The following MRTFB variants were observed in gnomAD, a reference collection of about 807,000 sequenced individuals.
MRTFB encodes the protein myocardin related transcription factor B, also known as myocardin-related transcription factor B.
Under a neutral mutation model 104.2 loss-of-function variants are expected in MRTFB, and 29 were observed. The observed-to-expected ratio is 0.28, with a 90% CI of 0.21 to 0.38. The LOEUF is 0.38. MRTFB is among the 10% of genes least tolerant of loss of function. The pLI is 1.00. For missense variants in MRTFB, 1,270 were observed against 1,341.6 expected, an observed-to-expected ratio of 0.95 and a Z score of 0.83; for synonymous variants, 535 against 519.5, an observed-to-expected ratio of 1.03 and a Z score of -0.41.
chr16:14,156,856 T>G (rs2038848492), intron 3 of MRTFB, among the ~76,000 whole-genome samples: 1 of 152,130 alleles, frequency 6.6e-6, no homozygotes, highest in South Asian at 2.1e-4. Context: ...AATGGGAACT[T>G]TCTTGTCAGG....
the MRTFB span, among the ~76,000 whole-genome samples, chr16:14,063,774 A>G: frequency 2.0e-5 from 3 of 152,144 alleles, no homozygotes; most frequent in Non-Finnish European, 4.4e-5. Context: ...GCCTATCTGT[A>G]TTGAGATGTC....
At position 14,261,139 on chromosome 16, in the gene MRTFB, C is replaced by T; in HGVS notation, c.2995C>T (p.Leu999=). The T allele has an allele frequency of 6.2e-7, 1 of 1,614,238 alleles. No individual in the cohort carries two copies. Among genetic ancestry groups the T allele is most frequent in the South Asian group, 1.1e-5 (1 of 91,084 alleles). The change falls in exon 17 of 17, where the codon CTA becomes TTA. Residue 999 remains leucine, a synonymous_variant. Transcript: ENST00000571589. ...TLPSANEIPP[L]QSSSEDREPF... ...ACCCTCAGCCAATGAAATTCCTCCA[C>T]TACAAAGCAGCAGTGAAGACAGAGA...
chr16:14,096,865 T>C (rs1443794465), intron 2 of MRTFB, among the ~76,000 whole-genome samples: 1 of 152,262 alleles, frequency 6.6e-6, no homozygotes, highest in African/African-American at 2.4e-5. Context: ...GAAGGACCTC[T>C]TGGAGCTGTC....
the MRTFB span, among the ~76,000 whole-genome samples, chr16:14,059,195 A>C: frequency 6.6e-6 from 1 of 152,238 alleles, no homozygotes; most frequent in South Asian, 2.1e-4. Context: ...CATATCTAGC[A>C]CTTCAAACAT....
the MRTFB span, among the ~76,000 whole-genome samples, chr16:14,037,144 C>T: frequency 6.6e-6 from 1 of 152,166 alleles, no homozygotes; most frequent in African/African-American, 2.4e-5. Context: ...CTTGGATTTG[C>T]ATCCCAGCTC....
At chr16:14,136,572 T>C (rs1032709630) in intron 2 of MRTFB, among the ~76,000 whole-genome samples, 1 of 152,098 alleles carries the variant, frequency 6.6e-6, no homozygotes, top group Non-Finnish European at 1.5e-5. Flanking sequence ...ATTATTATCA[T>C]ATTGTGAGGA....
chr16:14,212,481 A>G lies in MRTFB; in HGVS notation c.276+72A>G, dbSNP rs1216613375. ...CTCTCTTCTAAAATACCTGTGTACA[A>G]GTAGCAGTGTTACTCCTAAATATGT... On this transcript the variant is annotated intron_variant, in intron 5 of 16. Transcript: ENST00000571589. 4.6e-5 allele frequency: 64 copies of G among 1,387,204 alleles called. 1 individual carries two copies. The highest frequency in any genetic ancestry group is 3.1e-6 in the Non-Finnish European group (3 of 977,218). 85.9% of individuals were successfully genotyped at this position (1,387,204 alleles called of 1,614,324 possible). A position where few individuals can be genotyped will look rare whatever the true frequency, so the allele number is the denominator to read the frequency against.
chr16:14,160,860 C>G (rs1162617058), intron 3 of MRTFB, among the ~76,000 whole-genome samples: 17 of 151,860 alleles, frequency 1.1e-4, no homozygotes, highest in Admixed American at 1.1e-3. Context: ...TTTGGCCCAT[C>G]CCCCTTAATT....
At chr16:14,135,072 G>A (rs1459588359) in intron 2 of MRTFB, among the ~76,000 whole-genome samples, 1 of 152,118 alleles carries the variant, frequency 6.6e-6, no homozygotes, top group Non-Finnish European at 1.5e-5. Flanking sequence ...GAAGTCAAAC[G>A]GCTCTCTCTC....
the MRTFB span, among the ~76,000 whole-genome samples, chr16:14,058,483 T>G: frequency 5.3e-5 from 8 of 151,890 alleles, no homozygotes; most frequent in Admixed American, 5.3e-4. Flanking sequence ...CTCATTGAAT[T>G]CTCACAACGA....
intron 12 of MRTFB, 63 bp downstream of exon 12, chr16:14,247,570 G>C (rs1276240018): frequency 6.9e-7 from 1 of 1,444,314 alleles, no homozygotes; most frequent in Non-Finnish European, 9.2e-7. Context: ...ACCCTGCTAA[G>C]GAAGGCACCA....
chr16:14,127,845 G>A (rs1485292514), intron 2 of MRTFB, among the ~76,000 whole-genome samples: 2 of 140,246 alleles, frequency 1.4e-5, no homozygotes, highest in East Asian at 4.1e-4. Flanking sequence ...GGTGTTACTG[G>A]CCAGGTCCAA....
At chr16:14,221,230 A>G (rs928994574) in intron 8 of MRTFB, among the ~76,000 whole-genome samples, 1 of 152,164 alleles carries the variant, frequency 6.6e-6, no homozygotes, top group African/African-American at 2.4e-5. Flanking sequence ...GGCAAATTTT[A>G]TACTTTATTT....
chr16:14,004,077 G>A, the MRTFB span, among the ~76,000 whole-genome samples: 4 of 152,172 alleles, frequency 2.6e-5, no homozygotes. Context: ...AGGACTGGTG[G>A]GAGGCAGGCA....
At chr16:14,019,973 T>C in the MRTFB span, among the ~76,000 whole-genome samples, 3 of 152,226 alleles carry the variant, frequency 2.0e-5, no homozygotes, top group African/African-American at 7.2e-5. Context: ...TACAGAAACA[T>C]TGATCACGTG....
chr16:14,260,923 A>G lies in MRTFB; in HGVS notation c.2779A>G (p.Ile927Val), dbSNP rs928142974. 1.2e-6 allele frequency: 2 copies of G among 1,604,286 alleles called. No individual in the cohort carries two copies. Among genetic ancestry groups the G allele is most frequent in the Non-Finnish European group, 1.7e-6 (2 of 1,174,494 alleles). The part of the protein sequence containing the change: ...LIKSGEISLP[I>V]KEEPSPISKM... ...ATTTTACACAGAGATCTCCCTCCCC[A>G]TAAAAGAAGAACCTTCTCCTATTTC... The change falls in exon 17 of 17, where the codon ATA becomes GTA. Residue 927 changes from isoleucine to valine, a missense_variant. Physicochemically the swap from Ile to Val is conservative, Grantham distance 29. Coordinates refer to ENST00000571589, the MANE Select transcript of MRTFB (RefSeq NM_001308142.2).
chr16:14,249,374 C>G (rs2043160881), intron 13 of MRTFB, among the ~76,000 whole-genome samples: 1 of 152,128 alleles, frequency 6.6e-6, no homozygotes, highest in Non-Finnish European at 1.5e-5. Context: ...ATTAAATTTA[C>G]TGAATTTTAA....
At chr16:14,164,379 A>T (rs765587601) in intron 3 of MRTFB, among the ~76,000 whole-genome samples, 3 of 151,962 alleles carry the variant, frequency 2.0e-5, no homozygotes, top group Non-Finnish European at 2.9e-5. Context: ...TTCCATCCAT[A>T]TTGCTGCAAA....
chr16:14,219,141 C>A, intron 8 of MRTFB, 143 bp downstream of exon 8: 1 of 774,736 alleles, frequency 1.3e-6, no homozygotes, highest in Non-Finnish European at 1.9e-6. Flanking sequence ...CACTTAACTG[C>A]CCTCCAGGAA....
Sources: allele counts gnomAD v4.1 joint callset (sites outside exome capture counted in the v4.1 genomes callset), GRCh38; gene constraint gnomAD v4.1.1; transcripts MANE v1.5; gene names NCBI Gene and HGNC (gene_info 2026-07-23, HGNC 2026-07-21).